The following MAGI2 variants were observed in gnomAD, a reference collection of about 807,000 sequenced individuals.
The protein encoded by MAGI2 is membrane-associated guanylate kinase, WW and PDZ domain-containing protein 2.
A neutral mutation model predicts 133.3 loss-of-function variants in MAGI2; 35 were observed. That is an observed-to-expected ratio of 0.26 (90% CI 0.20 to 0.35). The LOEUF (loss-of-function observed/expected upper bound fraction) is 0.35. Ranked by LOEUF, MAGI2 falls within the 10% of genes least tolerant of loss-of-function variation. The pLI is 1.00. For missense variants in MAGI2, 1,636 were observed against 1,863.4 expected, an observed-to-expected ratio of 0.88 and a Z score of 2.25; for synonymous variants, 729 against 710.6, an observed-to-expected ratio of 1.03 and a Z score of -0.41.
chr7:79,191,941 TCTGA>T (rs1427426326), intron 1 of MAGI2, among the ~76,000 whole-genome samples: 7 of 151,904 alleles, frequency 4.6e-5, no homozygotes, highest in African/African-American at 1.7e-4. Flanking sequence ...AATGCATAAT[TCTGA>T]CTATTTGTAT....
At chr7:78,400,547 A>G (rs1315809061) in intron 6 of MAGI2, among the ~76,000 whole-genome samples, 2 of 152,152 alleles carry the variant, frequency 1.3e-5, no homozygotes, top group East Asian at 3.9e-4. Context: ...TATTCACACA[A>G]TTTTTTAATA....
chr7:78,336,397 C>T (rs1298154389), intron 9 of MAGI2, among the ~76,000 whole-genome samples: 3 of 152,090 alleles, frequency 2.0e-5, no homozygotes, highest in Non-Finnish European at 4.4e-5. Flanking sequence ...TGATATCTAC[C>T]TGCTCAAGTG....
At chr7:79,108,678 T>C (rs987430293) in intron 1 of MAGI2, among the ~76,000 whole-genome samples, 2 of 152,130 alleles carry the variant, frequency 1.3e-5, no homozygotes, top group Non-Finnish European at 2.9e-5. Flanking sequence ...CAGTGGAAGA[T>C]TTTATTTATA....
chr7:78,995,511 C>T (rs370571161), intron 2 of MAGI2, among the ~76,000 whole-genome samples: 16 of 152,072 alleles, frequency 1.1e-4, no homozygotes, highest in African/African-American at 3.6e-4. Context: ...AAATAACTGA[C>T]TTGAAGCTAG....
intron 2 of MAGI2, among the ~76,000 whole-genome samples, chr7:78,816,675 C>A (rs1789609456): frequency 6.6e-6 from 1 of 152,106 alleles, no homozygotes; most frequent in Admixed American, 6.5e-5. Flanking sequence ...GACAGCACAT[C>A]TTTTTACAAC....
chr7:79,242,733 A>G (rs896657604), intron 1 of MAGI2, among the ~76,000 whole-genome samples: 26 of 152,162 alleles, frequency 1.7e-4, no homozygotes, highest in Admixed American at 4.6e-4. Flanking sequence ...TTCTGTTTAC[A>G]TTGGCCAATA....
chr7:78,111,538 C>A (rs1252092292), intron 20 of MAGI2, among the ~76,000 whole-genome samples: 2 of 152,116 alleles, frequency 1.3e-5, no homozygotes, highest in Non-Finnish European at 2.9e-5. Context: ...GTAATGAGCC[C>A]CTGAATAATT....
chr7:78,911,485 T>C (rs1584366025), intron 2 of MAGI2, among the ~76,000 whole-genome samples: 2 of 152,178 alleles, frequency 1.3e-5, no homozygotes, highest in Admixed American at 1.3e-4. Context: ...GAGGAGGCAA[T>C]AAGAAGATGC....
chr7:78,184,049 A>G (rs1162149977), intron 13 of MAGI2, among the ~76,000 whole-genome samples: 1 of 152,230 alleles, frequency 6.6e-6, no homozygotes, highest in Non-Finnish European at 1.5e-5. Context: ...AAAGGTAAAA[A>G]CTATTACTTT....
intron 3 of MAGI2, among the ~76,000 whole-genome samples, chr7:78,587,520 T>C (rs319864): frequency 0.19 from 29,043 of 152,246 alleles, 2,984 homozygotes; most frequent in Admixed American, 0.26. Context: ...TTTCAGTTAT[T>C]GTTTTTTAAA....
At chr7:78,265,789 A>G (rs1480804919) in intron 9 of MAGI2, among the ~76,000 whole-genome samples, 1 of 152,216 alleles carries the variant, frequency 6.6e-6, no homozygotes, top group East Asian at 1.9e-4. Flanking sequence ...CTGTAATTGT[A>G]TTCCTGAACA....
At chr7:78,159,346 C>A (rs552162821) in intron 16 of MAGI2, among the ~76,000 whole-genome samples, 1 of 152,158 alleles carries the variant, frequency 6.6e-6, no homozygotes, top group African/African-American at 2.4e-5. Context: ...CTCCCCCACC[C>A]CCAACCCTTT....
chr7:79,229,770 CTT>C lies in MAGI2; in HGVS notation c.302-222566_302-222565del, dbSNP rs902329788. On this transcript the variant is annotated intron_variant, in intron 1 of 21. Coordinates refer to ENST00000354212, the MANE Select transcript of MAGI2 (RefSeq NM_012301.4). ...TAGCAAAATTTATTTGAAAAATATT[CTT>C]TTTTTTTAAGTTTTTTTAAAAATTT... Among the ~76,000 whole-genome samples the C allele has an allele frequency of 2.3e-4, 34 of 150,870 alleles. 1 individual carries two copies. Among genetic ancestry groups the C allele is most frequent in the African/African-American group, 8.3e-4 (34 of 41,178 alleles).
intron 1 of MAGI2, among the ~76,000 whole-genome samples, chr7:79,157,378 G>A (rs545679871): frequency 6.6e-6 from 1 of 151,950 alleles, no homozygotes; most frequent in South Asian, 2.1e-4. Flanking sequence ...ACGCATATAA[G>A]GGCTGATCAC....
At chr7:79,035,954 A>G (rs1402449110) in intron 1 of MAGI2, among the ~76,000 whole-genome samples, 1 of 152,250 alleles carries the variant, frequency 6.6e-6, no homozygotes, top group Non-Finnish European at 1.5e-5. Context: ...TAATTTAAAA[A>G]TTGTTTGAAT....
At chr7:79,269,170 T>G (rs565919772) in intron 1 of MAGI2, among the ~76,000 whole-genome samples, 10 of 152,316 alleles carry the variant, frequency 6.6e-5, no homozygotes, top group African/African-American at 1.9e-4. Context: ...TCTCTCCGCT[T>G]TTTGAGAACA....
intron 7 of MAGI2, among the ~76,000 whole-genome samples, chr7:78,352,362 A>G (rs1791607887): frequency 1.3e-5 from 2 of 152,234 alleles, no homozygotes; most frequent in African/African-American, 4.8e-5. Flanking sequence ...TAAATACGTT[A>G]TTATAAAATA....
intron 6 of MAGI2, among the ~76,000 whole-genome samples, chr7:78,408,228 T>C (rs1797563642): frequency 6.6e-6 from 1 of 152,074 alleles, no homozygotes; most frequent in South Asian, 2.1e-4. Flanking sequence ...AGTGGCTAAA[T>C]CGAGGTGGAA....
chr7:79,386,567 A>G (rs1844196525), intron 1 of MAGI2, among the ~76,000 whole-genome samples: 1 of 152,096 alleles, frequency 6.6e-6, no homozygotes, highest in Non-Finnish European at 1.5e-5. Flanking sequence ...AGCCAATAAG[A>G]TGGAATAGCC....
Sources: gnomAD v4.1 joint callset for allele counts (sites outside exome capture counted in the v4.1 genomes callset) on GRCh38, gnomAD v4.1.1 for gene constraint, MANE v1.5 for transcripts, NCBI Gene and HGNC (gene_info 2026-07-23, HGNC 2026-07-21) for gene names.